ENTREP2: variants seen among roughly 807,000 people sequenced by gnomAD.
ENTREP2 encodes protein ENTREP2.
the ENTREP2 span, among the ~76,000 whole-genome samples, chr15:29,242,230 C>T: frequency 6.6e-6 from 1 of 152,056 alleles, no homozygotes; most frequent in African/African-American, 2.4e-5. Flanking sequence ...ACCATTCACA[C>T]TTAATTTTTG....
At chr15:29,617,287 G>A in the ENTREP2 span, among the ~76,000 whole-genome samples, 1 of 152,092 alleles carries the variant, frequency 6.6e-6, no homozygotes, top group Non-Finnish European at 1.5e-5. Flanking sequence ...ACGTCCAAGG[G>A]CTGGAGAAAA....
chr15:29,171,464 T>TG, the ENTREP2 span, among the ~76,000 whole-genome samples: 2 of 152,176 alleles, frequency 1.3e-5, no homozygotes, highest in Non-Finnish European at 2.9e-5. Flanking sequence ...ACAGGCAAGA[T>TG]GATCCCAACT....
chr15:29,420,568 T>G, the ENTREP2 span, among the ~76,000 whole-genome samples: 2 of 152,164 alleles, frequency 1.3e-5, no homozygotes, highest in African/African-American at 4.8e-5. Flanking sequence ...TCAGGCTATT[T>G]GAAAAAAATT....
chr15:29,269,812 C>G, the ENTREP2 span: 3 of 1,077,170 alleles, frequency 2.8e-6, no homozygotes, highest in Non-Finnish European at 3.8e-6. Context: ...CGCGCAGTGT[C>G]GGCTGAGACT....
At chr15:29,644,889 T>C in the ENTREP2 span, among the ~76,000 whole-genome samples, 3 of 143,902 alleles carry the variant, frequency 2.1e-5, no homozygotes, top group African/African-American at 5.1e-5. Context: ...AAGAAGTGGG[T>C]CCCAAAGTTA....
At chr15:29,210,259 C>T in the ENTREP2 span, among the ~76,000 whole-genome samples, 1 of 152,188 alleles carries the variant, frequency 6.6e-6, no homozygotes, top group East Asian at 1.9e-4. Context: ...GCTACTCCTA[C>T]AGCCAACAGG....
the ENTREP2 span, among the ~76,000 whole-genome samples, chr15:29,416,298 G>C: frequency 2.0e-5 from 3 of 152,120 alleles, no homozygotes; most frequent in Admixed American, 1.3e-4. Context: ...CCAAAACAGA[G>C]ATATAGACCA....
chr15:29,279,935 G>T, the ENTREP2 span, among the ~76,000 whole-genome samples: 31 of 151,126 alleles, frequency 2.1e-4, no homozygotes, highest in South Asian at 5.4e-3. Context: ...TCTTTTGCTC[G>T]CCTGGAAAAA....
chr15:29,122,791 T>C, the ENTREP2 span: 1 of 152,582 alleles, frequency 6.6e-6, no homozygotes, highest in African/African-American at 2.4e-5. Flanking sequence ...CAGGCTGCCA[T>C]CTGTGCTAAC....
At chr15:29,178,379 A>C in the ENTREP2 span, among the ~76,000 whole-genome samples, 1 of 152,020 alleles carries the variant, frequency 6.6e-6, no homozygotes, top group Non-Finnish European at 1.5e-5. Flanking sequence ...AGAACTAAAG[A>C]ATATTTATAT....
the ENTREP2 span, chr15:29,267,327 C>T: frequency 1.3e-5 from 2 of 152,202 alleles, no homozygotes; most frequent in Admixed American, 6.5e-5. Context: ...TGAATCTCTG[C>T]ATTAAAAACA....
At chr15:29,582,953 A>C in the ENTREP2 span, among the ~76,000 whole-genome samples, 1 of 152,120 alleles carries the variant, frequency 6.6e-6, no homozygotes, top group African/African-American at 2.4e-5. Context: ...CCAGCCCTGA[A>C]TTTTTAAAAA....
chr15:29,134,552 C>A, the ENTREP2 span, among the ~76,000 whole-genome samples: 2 of 152,210 alleles, frequency 1.3e-5, no homozygotes, highest in African/African-American at 4.8e-5. Context: ...ATATGACTCC[C>A]CAGGTGCGGG....
At chr15:29,491,377 C>T in the ENTREP2 span, among the ~76,000 whole-genome samples, 1 of 152,194 alleles carries the variant, frequency 6.6e-6, no homozygotes, top group Non-Finnish European at 1.5e-5. Flanking sequence ...GACATCGAGG[C>T]CCAGGAGGTG....
the ENTREP2 span, among the ~76,000 whole-genome samples, chr15:29,671,711 C>A: frequency 3.3e-5 from 5 of 152,178 alleles, no homozygotes; most frequent in East Asian, 9.6e-4. Context: ...AACCTTTTAA[C>A]ATAAAAATTG....
chr15:29,333,782 G>A, the ENTREP2 span, among the ~76,000 whole-genome samples: 1 of 151,950 alleles, frequency 6.6e-6, no homozygotes, highest in African/African-American at 2.4e-5. Flanking sequence ...TTGGAAATAG[G>A]TTCACTGCAG....
chr15:29,143,525 C>T, the ENTREP2 span, among the ~76,000 whole-genome samples: 20 of 152,242 alleles, frequency 1.3e-4, no homozygotes, highest in African/African-American at 4.6e-4. Context: ...CCCAGCACCC[C>T]TCTGTAGGGC....
At chr15:29,389,430 A>G in the ENTREP2 span, among the ~76,000 whole-genome samples, 11 of 151,828 alleles carry the variant, frequency 7.2e-5, no homozygotes, top group South Asian at 1.5e-3. Flanking sequence ...CCCCTCCCCA[A>G]TCCTGGAAAC....
the ENTREP2 span, among the ~76,000 whole-genome samples, chr15:29,515,529 A>AT: frequency 1.1e-3 from 161 of 152,292 alleles, no homozygotes; most frequent in African/African-American, 3.8e-3. Context: ...GCCCAGTCAC[A>AT]TAAAGTTACC....
Sources: allele counts gnomAD v4.1 joint callset (sites outside exome capture counted in the v4.1 genomes callset), GRCh38; gene constraint gnomAD v4.1.1; transcripts MANE v1.5; gene names NCBI Gene and HGNC (gene_info 2026-07-23, HGNC 2026-07-21).